Variants in CHLSN observed in about 807,000 individuals in gnomAD.
CHLSN encodes cholesin, also known as protein cholesin.
the CHLSN span, among the ~76,000 whole-genome samples, chr7:1,130,468 G>C: frequency 6.6e-6 from 1 of 152,024 alleles, no homozygotes; most frequent in Non-Finnish European, 1.5e-5. Context: ...GAAGCCTCCT[G>C]CATGGGCTCA....
At chr7:1,059,108 T>C in the CHLSN span, 2 of 169,966 alleles carry the variant, frequency 1.2e-5, no homozygotes, top group African/African-American at 4.8e-5. Flanking sequence ...TCAATAGCAG[T>C]GACGCGCTCT....
At chr7:1,136,327 T>A in the CHLSN span, among the ~76,000 whole-genome samples, 4 of 109,742 alleles carry the variant, frequency 3.6e-5, no homozygotes, top group African/African-American at 4.0e-5. Context: ...AACATAAATA[T>A]ATAAATATAT....
At chr7:1,016,802 G>GCGCACGCCAGCGCA in the CHLSN span, among the ~76,000 whole-genome samples, 11 of 64,052 alleles carry the variant, frequency 1.7e-4, no homozygotes, top group African/African-American at 5.2e-4. Context: ...GCAGCACACA[G>GCGCACGCCAGCGCA]CAGCACACAC....
At chr7:1,098,669 G>A in the CHLSN span, among the ~76,000 whole-genome samples, 16 of 146,592 alleles carry the variant, frequency 1.1e-4, 1 homozygote, top group South Asian at 3.3e-3. Context: ...GAGCTGCCAC[G>A]CTCGGTGAGA....
the CHLSN span, among the ~76,000 whole-genome samples, chr7:1,017,666 G>A: frequency 2.0e-5 from 3 of 152,224 alleles, no homozygotes; most frequent in African/African-American, 7.2e-5. Flanking sequence ...TCCTGGAGGG[G>A]AGACTTCTCC....
chr7:1,001,074 T>G, the CHLSN span, among the ~76,000 whole-genome samples: 2 of 152,126 alleles, frequency 1.3e-5, no homozygotes, highest in African/African-American at 2.4e-5. Context: ...GTCCCGCTCC[T>G]GCACTAGGGC....
the CHLSN span, among the ~76,000 whole-genome samples, chr7:1,070,369 C>T: frequency 1.4e-5 from 2 of 141,124 alleles, no homozygotes; most frequent in Admixed American, 6.9e-5. Context: ...GGGTCAGCCC[C>T]CCGCCCGGCC....
chr7:1,054,862 G>A, the CHLSN span, among the ~76,000 whole-genome samples: 8 of 152,332 alleles, frequency 5.3e-5, no homozygotes, highest in East Asian at 9.6e-4. Flanking sequence ...CTCGGCCTCC[G>A]CTGTGCCTCT....
the CHLSN span, among the ~76,000 whole-genome samples, chr7:1,049,395 C>T: frequency 6.3e-3 from 964 of 152,332 alleles, 13 homozygotes; most frequent in African/African-American, 0.022. Flanking sequence ...ACCCTCCTGT[C>T]TCATGAAGAT....
At chr7:1,096,697 A>G in the CHLSN span, among the ~76,000 whole-genome samples, 1 of 152,198 alleles carries the variant, frequency 6.6e-6, no homozygotes, top group Non-Finnish European at 1.5e-5. This position sits in a 1 kb window ranked among gnomAD's most constrained non-coding sequence, Gnocchi z 4.6. Context: ...GCATGGGAAA[A>G]ACCCCCGTGT....
At chr7:1,095,952 C>T in the CHLSN span, among the ~76,000 whole-genome samples, 1 of 152,202 alleles carries the variant, frequency 6.6e-6, no homozygotes, top group Non-Finnish European at 1.5e-5. Context: ...ACGGCAGCAG[C>T]GGCAGCGGGG....
At chr7:1,002,813 G>A in the CHLSN span, among the ~76,000 whole-genome samples, 1 of 75,736 alleles carries the variant, frequency 1.3e-5, no homozygotes, top group Non-Finnish European at 2.7e-5. Flanking sequence ...CCTGTGGGTG[G>A]GGAGTCCTGT....
chr7:1,132,174 A>T, the CHLSN span, among the ~76,000 whole-genome samples: 2 of 152,244 alleles, frequency 1.3e-5, no homozygotes, highest in South Asian at 4.1e-4. Context: ...TGGCACCAAA[A>T]ACACGTGGCA....
chr7:1,008,224 C>T, the CHLSN span, among the ~76,000 whole-genome samples: 1 of 152,336 alleles, frequency 6.6e-6, no homozygotes, highest in East Asian at 1.9e-4. Flanking sequence ...GGCCTGTGTC[C>T]ACCTGCTCTG....
chr7:1,016,913 C>CA, the CHLSN span, among the ~76,000 whole-genome samples: 1 of 110,002 alleles, frequency 9.1e-6, no homozygotes, highest in African/African-American at 3.7e-5. Flanking sequence ...CACACGCCAG[C>CA]GCACAGCAGC....
chr7:985,809 G>A, the CHLSN span, among the ~76,000 whole-genome samples: 2 of 152,188 alleles, frequency 1.3e-5, no homozygotes, highest in Non-Finnish European at 2.9e-5. Flanking sequence ...TGCGTTTACC[G>A]AAGCCTGCAT....
the CHLSN span, among the ~76,000 whole-genome samples, chr7:1,106,905 C>T: frequency 2.0e-5 from 3 of 152,210 alleles, no homozygotes; most frequent in Non-Finnish European, 2.9e-5. Flanking sequence ...AGAGCCAGGC[C>T]GGACAGAGGG....
At chr7:993,997 A>G in the CHLSN span, among the ~76,000 whole-genome samples, 1 of 152,092 alleles carries the variant, frequency 6.6e-6, no homozygotes, top group African/African-American at 2.4e-5. Flanking sequence ...CAGTGCTGTG[A>G]GAGGTCTCCA....
At chr7:1,081,696 C>T in the CHLSN span, among the ~76,000 whole-genome samples, 1 of 134,984 alleles carries the variant, frequency 7.4e-6, no homozygotes, top group Non-Finnish European at 1.7e-5. Flanking sequence ...CCAGACAAGG[C>T]GCAGCCTGGG....
Sources: allele counts gnomAD v4.1 joint callset (sites outside exome capture counted in the v4.1 genomes callset), GRCh38; gene constraint gnomAD v4.1.1; non-coding constraint Gnocchi (gnomAD v3.1); transcripts MANE v1.5; gene names NCBI Gene and HGNC (gene_info 2026-07-23, HGNC 2026-07-21).